GLYR1: variants seen among roughly 807,000 people sequenced by gnomAD.
GLYR1 encodes the protein cytokine-like nuclear factor N-PAC.
Under a neutral mutation model 72.7 loss-of-function variants are expected in GLYR1, and 21 were observed. The ratio of observed to expected loss-of-function variants is 0.29; its 90% CI spans 0.20 to 0.42. The LOEUF (loss-of-function observed/expected upper bound fraction) is 0.42. Ranked by LOEUF, GLYR1 falls within the 10% of genes least tolerant of loss-of-function variation. The probability of loss-of-function intolerance (pLI) is 1.00; values close to 1 mark genes in which losing one functional copy is unlikely to be tolerated. For synonymous variants in GLYR1, 392 were observed against 270.2 expected, an observed-to-expected ratio of 1.45 and a Z score of -4.42; for missense variants, 594 against 712.1, an observed-to-expected ratio of 0.83 and a Z score of 1.89.
At position 4,803,287 on chromosome 16, in the gene GLYR1, T is replaced by C. The variant is rs958459129; in HGVS notation, c.*1949A>G. On this transcript the variant is annotated 3_prime_UTR_variant, in exon 16 of 16. Coordinates refer to ENST00000321919, the MANE Select transcript of GLYR1 (RefSeq NM_032569.4). ...TGTTTTGTTTTTGCCATTTAAACAT[T>C]ATCACACAATCCTATTCTGAAAGAC... 7 of 152,754 alleles carry C rather than the reference T, an allele frequency of 4.6e-5. No individual in the cohort carries two copies. The highest frequency in any genetic ancestry group is 1.7e-4 in the African/African-American group (7 of 41,588). The allele number at this position is 152,754 out of a possible 1,614,324, so 9.5% of individuals were successfully genotyped here.
At position 4,817,585 on chromosome 16, in the gene GLYR1, C is replaced by T; in HGVS notation, c.906+13G>A. The T allele has an allele frequency of 6.5e-7, 1 of 1,550,118 alleles. No individual in the cohort carries two copies. Among genetic ancestry groups the T allele is most frequent in the Non-Finnish European group, 8.9e-7 (1 of 1,121,682 alleles). Reference sequence around the variant, plus strand: ...CTCCACCGATCCAACAGGCACCACCCCTGAATGCTTACTTTCTCTGCAGTG... The same window carrying T: ...CTCCACCGATCCAACAGGCACCACCTCTGAATGCTTACTTTCTCTGCAGTG... On this transcript the variant is annotated intron_variant, in intron 10 of 15. Transcript: ENST00000321919.
chr16:4,839,466 G>C (rs1173853073), intron 3 of GLYR1: 1 of 152,322 alleles, frequency 6.6e-6, no homozygotes, highest in African/African-American at 2.4e-5. Context: ...ACCTGTCAGA[G>C]AGGGACCCTC....
chr16:4,827,937 G>A (rs962599858), intron 5 of GLYR1, among the ~76,000 whole-genome samples: 5 of 151,520 alleles, frequency 3.3e-5, no homozygotes, highest in African/African-American at 1.2e-4. Context: ...ACCAAAAAAC[G>A]AATTGAAGGT....
Position 4,823,877 on chromosome 16 carries a change from T to C in GLYR1, c.568A>G (p.Lys190Glu), listed in dbSNP as rs2084208221. 6.2e-7 allele frequency: 1 copy of C among 1,614,072 alleles called. No homozygotes were observed. The highest frequency in any genetic ancestry group is 8.5e-7 in the Non-Finnish European group (1 of 1,179,988). The change falls in exon 6 of 16, where the codon AAG becomes GAG. Residue 190 changes from lysine to glutamate, a missense_variant. Physicochemically the swap from Lys to Glu is moderately conservative, Grantham distance 56 (BLOSUM62 1). This residue lies in a region of GLYR1 where 252 missense variants were observed against 211.3 expected (regional missense o/e 1.19). Transcript: ENST00000321919. Reference protein sequence around the residue: ...DLTIPESSTVKGMMAGPMAAF... With the variant: ...DLTIPESSTVEGMMAGPMAAF... ...GCCATCGGTCCGGCCATCATCCCCT[T>C]CACGGTACTAGACTCCGGGATGGTG...
chr16:4,806,246 C>A (rs189786382), intron 15 of GLYR1, among the ~76,000 whole-genome samples: 17 of 152,214 alleles, frequency 1.1e-4, no homozygotes, highest in African/African-American at 2.9e-4. Flanking sequence ...GGCAGCAGTG[C>A]CGAGGTTGAG....
In GLYR1 at chr16:4,840,518, T is replaced by C. The variant is rs142892413; in HGVS notation, c.155+4556A>G. ...TAGGAACTTCCAACTCTCATATTCC[T>C]TTCTTTTCAAACAAACACACACACA... On this transcript the variant is annotated intron_variant, in intron 3 of 15. Transcript: ENST00000321919. Among the ~76,000 whole-genome samples the C allele has an allele frequency of 3.2e-3, 491 of 152,236 alleles. 3 individuals are homozygous for C. Among genetic ancestry groups the C allele is most frequent in the African/African-American group, 0.01 (431 of 41,536 alleles).
chr16:4,831,954 C>A (rs374123519), intron 5 of GLYR1, 25 bp downstream of exon 5: 1 of 1,606,552 alleles, frequency 6.2e-7, no homozygotes, highest in African/African-American at 1.3e-5. Context: ...TCACTAATCC[C>A]GGAAGCTGCA....
At position 4,805,104 on chromosome 16, in the gene GLYR1, G is replaced by A. The variant is rs372373125; in HGVS notation, c.*132C>T. On this transcript the variant is annotated 3_prime_UTR_variant, in exon 16 of 16. Coordinates refer to ENST00000321919, the MANE Select transcript of GLYR1 (RefSeq NM_032569.4). ...CTGCTGTGTGCTGTGCTGATGGCAA[G>A]TCTCAAAGTCTGTATAAAAGGAAAT... 8.8e-5 allele frequency: 66 copies of A among 750,596 alleles called. 1 individual carries two copies. The East Asian group carries it at 1.0e-3, about 12-fold the overall frequency. 46.5% of individuals were successfully genotyped at this position (750,596 alleles called of 1,614,324 possible).
intron 5 of GLYR1, among the ~76,000 whole-genome samples, chr16:4,826,996 C>T (rs891159108): frequency 1.3e-5 from 2 of 152,220 alleles, no homozygotes; most frequent in African/African-American, 2.4e-5. Flanking sequence ...ACAGAACTAA[C>T]AGCGCTACTT....
intron 15 of GLYR1, among the ~76,000 whole-genome samples, chr16:4,810,033 T>A (rs969097024): frequency 6.6e-6 from 1 of 152,090 alleles, no homozygotes; most frequent in Non-Finnish European, 1.5e-5. Flanking sequence ...TCATTAGATA[T>A]CTAGGAAAAC....
intron 10 of GLYR1, 34 bp downstream of exon 10, chr16:4,817,564 A>G (rs6500635): frequency 0.5 from 669,201 of 1,340,932 alleles, 170,959 homozygotes; most frequent in African/African-American, 0.73. Flanking sequence ...CCCAGACTCC[A>G]CCGATCCAAC....
intron 3 of GLYR1, among the ~76,000 whole-genome samples, chr16:4,841,277 CT>C (rs1313481456): frequency 2.0e-5 from 3 of 151,698 alleles, no homozygotes; most frequent in Non-Finnish European, 2.9e-5. Flanking sequence ...ATTTCTAGCA[CT>C]TGTTATAAAC....
intron 15 of GLYR1, among the ~76,000 whole-genome samples, chr16:4,806,564 T>C (rs939803799): frequency 6.6e-6 from 1 of 151,394 alleles, no homozygotes; most frequent in African/African-American, 2.4e-5. Context: ...ATGGGGGTCT[T>C]GCTATGTTGC....
intron 1 of GLYR1, among the ~76,000 whole-genome samples, chr16:4,846,430 A>T (rs2086070310): frequency 6.6e-6 from 1 of 152,250 alleles, no homozygotes; most frequent in South Asian, 2.1e-4. Flanking sequence ...AGGAATACAG[A>T]ACAACACAAC....
intron 3 of GLYR1, among the ~76,000 whole-genome samples, chr16:4,844,133 A>T (rs1320725200): frequency 6.6e-6 from 1 of 151,658 alleles, no homozygotes; most frequent in East Asian, 1.9e-4. Flanking sequence ...AAAAAAAAAA[A>T]ATCAAACCAT....
intron 6 of GLYR1, among the ~76,000 whole-genome samples, chr16:4,823,608 G>T (rs17137303): frequency 0.069 from 10,512 of 152,188 alleles, 398 homozygotes; most frequent in African/African-American, 0.11. Context: ...TGCTAAGTGG[G>T]CATCCCAAAG....
At chr16:4,824,201 G>T (rs1257919324) in intron 5 of GLYR1, among the ~76,000 whole-genome samples, 2 of 152,144 alleles carry the variant, frequency 1.3e-5, no homozygotes, top group Non-Finnish European at 2.9e-5. Flanking sequence ...ATGCCTTATG[G>T]TGAATACCAA....
At chr16:4,842,774 A>G (rs1164648745) in intron 3 of GLYR1, among the ~76,000 whole-genome samples, 3 of 152,146 alleles carry the variant, frequency 2.0e-5, no homozygotes, top group Non-Finnish European at 4.4e-5. Context: ...ATCTCAGCTC[A>G]CTGCAACCTC....
intron 1 of GLYR1, chr16:4,846,857 G>C: frequency 1.8e-5 from 6 of 337,550 alleles, no homozygotes; most frequent in South Asian, 1.7e-4. Context: ...AGATCTCGCA[G>C]GTCCGGTCCC....
Sources: gnomAD v4.1 joint callset for allele counts (sites outside exome capture counted in the v4.1 genomes callset) on GRCh38, gnomAD v4.1.1 for gene constraint, gnomAD v4.1.1 regional missense constraint, MANE v1.5 for transcripts, NCBI Gene and HGNC (gene_info 2026-07-23, HGNC 2026-07-21) for gene names.